Variants in ERO1A observed in about 807,000 individuals in gnomAD.
The protein encoded by ERO1A is ERO1-like protein alpha.
In ERO1A, 49 loss-of-function variants were observed where a neutral mutation model predicts 76.9. That is an observed-to-expected ratio of 0.64 (90% confidence interval 0.51 to 0.81). ERO1A has a LOEUF of 0.81. Among genes scored for constraint, ERO1A ranks in the 30% least tolerant of loss-of-function variants. ERO1A has a pLI of 0.00. For missense variants in ERO1A, 448 were observed against 542.1 expected (o/e 0.83, Z 1.72); for synonymous variants, 174 against 181.2 (o/e 0.96, Z 0.32).
At position 52,685,271 on chromosome 14, in the gene ERO1A, C is replaced by T. The variant is rs562575092; in HGVS notation, c.115-1364G>A. Among the ~76,000 whole-genome samples the T allele has an allele frequency of 3.9e-5, 6 of 152,236 alleles. No individual in the cohort carries two copies. In the East Asian group the frequency reaches 1.2e-3, roughly 29 times the overall value. ...AAGAAGAACTTTTTACTGCTTTTCC[C>T]ACTCTTACTTGTTTTGGACTAATTC... On this transcript the variant is annotated intron_variant, in intron 1 of 15. Coordinates refer to ENST00000395686, the MANE Select transcript of ERO1A (RefSeq NM_014584.3).
At chr14:52,662,463 G>C (rs2040261524) in intron 8 of ERO1A, among the ~76,000 whole-genome samples, 1 of 152,114 alleles carries the variant, frequency 6.6e-6, no homozygotes, top group South Asian at 2.1e-4. Context: ...TTTGAGATCA[G>C]CATCTTTTCA....
At chr14:52,668,665 G>A (rs2040495237) in intron 6 of ERO1A, among the ~76,000 whole-genome samples, 1 of 149,666 alleles carries the variant, frequency 6.7e-6, no homozygotes, top group Non-Finnish European at 1.5e-5. Context: ...TCTACCTAGA[G>A]ATAAACATTT....
In ERO1A at chr14:52,646,453, A is replaced by C; in HGVS notation, c.1134T>G (p.Phe378Leu). Residue 378 changes from phenylalanine (F) to leucine (L), a missense_variant, in exon 14 of 16, where the codon TTT becomes TTG. Phe to Leu is a conservative substitution (Grantham distance 22). Coordinates refer to ENST00000395686, the MANE Select transcript of ERO1A (RefSeq NM_014584.3). ...KKEAHKLKED[F>L]RLHFRNISRI... ...TTGAAATATTTCTAAAATGCAGTCG[A>C]AAGTCCTCCTGAAAACAATTTAACA... The C allele has an allele frequency of 6.2e-6, 10 of 1,607,736 alleles. No homozygotes were observed. The highest frequency in any genetic ancestry group is 8.5e-6 in the Non-Finnish European group (10 of 1,177,484).
chr14:52,671,723 AT>A lies in ERO1A; in HGVS notation c.435-21del, dbSNP rs755302986. ...TCCTCACTTCAAACAAAGAAAAAAA[AT>A]AACATTATTATTTTTAAGTTAATAT... On this transcript the variant is annotated intron_variant, in intron 5 of 15. Coordinates refer to ENST00000395686, the MANE Select transcript of ERO1A (RefSeq NM_014584.3). 5 of 1,587,792 alleles carry A rather than the reference AT, an allele frequency of 3.1e-6. No homozygotes were observed. Among genetic ancestry groups the A allele is most frequent in the African/African-American group, 2.7e-5 (2 of 73,626 alleles).
chr14:52,668,249 AAT>A (rs1248604148), intron 6 of ERO1A, among the ~76,000 whole-genome samples: 1 of 152,238 alleles, frequency 6.6e-6, no homozygotes, highest in Non-Finnish European at 1.5e-5. Flanking sequence ...TGATGTTTAA[AAT>A]ATATAAACAG....
rs1307834950 is a variant in ERO1A at position 52,663,555 on chromosome 14, A to C, written c.676+246T>G. ...GCGAAGTTTGCAGTGAGCCAAAGTC[A>C]CGCCACTGCACTCCAGCCTGGGTGA... is the stretch of plus-strand genomic sequence containing the variant. On this transcript the variant is annotated intron_variant, in intron 8 of 15. Coordinates refer to ENST00000395686, the MANE Select transcript of ERO1A (RefSeq NM_014584.3). 1.5e-3 allele frequency among the ~76,000 whole-genome samples: 226 copies of C among 150,852 alleles called. 2 individuals are homozygous for C. The highest frequency in any genetic ancestry group is 5.3e-3 in the African/African-American group (218 of 40,858).
At chr14:52,666,917 C>T (rs113561886) in intron 6 of ERO1A, among the ~76,000 whole-genome samples, 3 of 151,996 alleles carry the variant, frequency 2.0e-5, no homozygotes, top group African/African-American at 4.8e-5. Context: ...GGTGACAGAG[C>T]GAGACTCCGT....
At chr14:52,650,178 C>T (rs2039808427) in intron 13 of ERO1A, among the ~76,000 whole-genome samples, 1 of 151,808 alleles carries the variant, frequency 6.6e-6, no homozygotes, top group Non-Finnish European at 1.5e-5. Context: ...ATGATTATGC[C>T]TCTGCACTTC....
At chr14:52,692,739 T>G (rs2041394183) in intron 1 of ERO1A, among the ~76,000 whole-genome samples, 2 of 152,196 alleles carry the variant, frequency 1.3e-5, no homozygotes, top group African/African-American at 2.4e-5. Flanking sequence ...AACACTCTGG[T>G]CAACGTGCAG....
At chr14:52,647,581 A>G (rs753866282) in intron 13 of ERO1A, among the ~76,000 whole-genome samples, 7 of 152,080 alleles carry the variant, frequency 4.6e-5, no homozygotes, top group Non-Finnish European at 8.8e-5. Flanking sequence ...ATACATATGT[A>G]TACATCCATG....
chr14:52,645,118 G>T (rs1244104565), intron 15 of ERO1A, among the ~76,000 whole-genome samples: 1 of 151,514 alleles, frequency 6.6e-6, no homozygotes, highest in African/African-American at 2.4e-5. Flanking sequence ...TTTATATAAT[G>T]GTGAGTTCAC....
At chr14:52,670,434 C>T (rs1055581335) in intron 6 of ERO1A, among the ~76,000 whole-genome samples, 4 of 152,308 alleles carry the variant, frequency 2.6e-5, no homozygotes, top group Admixed American at 2.0e-4. Context: ...GGTTGGAGTG[C>T]AATGGCACAA....
intron 7 of ERO1A, among the ~76,000 whole-genome samples, chr14:52,664,625 T>C (rs964956271): frequency 6.6e-6 from 1 of 152,188 alleles, no homozygotes; most frequent in Non-Finnish European, 1.5e-5. Context: ...AGTAAGAAAA[T>C]GACTACAAAA....
At chr14:52,688,680 A>G (rs1242487354) in intron 1 of ERO1A, among the ~76,000 whole-genome samples, 2 of 152,198 alleles carry the variant, frequency 1.3e-5, no homozygotes, top group Non-Finnish European at 2.9e-5. Flanking sequence ...TGTAGCCCCA[A>G]TGGAACAAAG....
chr14:52,655,358 C>CTGT, intron 11 of ERO1A, among the ~76,000 whole-genome samples: 1 of 151,254 alleles, frequency 6.6e-6, no homozygotes, highest in East Asian at 1.9e-4. Context: ...GAGCAAGACT[C>CTGT]TGTCTCAAAA....
chr14:52,652,844 A>G (rs756400833), intron 12 of ERO1A, among the ~76,000 whole-genome samples: 2 of 152,130 alleles, frequency 1.3e-5, no homozygotes, highest in Non-Finnish European at 2.9e-5. Context: ...CAAAAAATAC[A>G]AAAATTAGCC....
At chr14:52,686,406 A>T (rs1480644815) in intron 1 of ERO1A, among the ~76,000 whole-genome samples, 1 of 152,196 alleles carries the variant, frequency 6.6e-6, no homozygotes, top group African/African-American at 2.4e-5. Flanking sequence ...TAAAGCAAGC[A>T]GCAAAGGTAA....
chr14:52,665,598 TA>T (rs993914785), intron 7 of ERO1A, among the ~76,000 whole-genome samples: 2 of 152,050 alleles, frequency 1.3e-5, no homozygotes, highest in Non-Finnish European at 1.5e-5. Flanking sequence ...TCTCCATCTC[TA>T]AGACAGCATA....
chr14:52,663,527 G>A (rs899635188), intron 8 of ERO1A, among the ~76,000 whole-genome samples: 16 of 151,526 alleles, frequency 1.1e-4, no homozygotes, highest in East Asian at 5.8e-4. Flanking sequence ...GTGAACCCGG[G>A]AGGCGAAGTT....
Sources: allele counts gnomAD v4.1 joint callset (sites outside exome capture counted in the v4.1 genomes callset), GRCh38; gene constraint gnomAD v4.1.1; transcripts MANE v1.5; gene names NCBI Gene and HGNC (gene_info 2026-07-23, HGNC 2026-07-21).